Variants in CNTNAP5 observed in about 807,000 individuals in gnomAD.
CNTNAP5 encodes contactin associated protein family member 5.
In CNTNAP5, 72 loss-of-function variants were observed where a neutral mutation model predicts 150.2. That is an observed-to-expected ratio of 0.48 (90% CI 0.40 to 0.58). The LOEUF (loss-of-function observed/expected upper bound fraction) is 0.58. CNTNAP5 is among the 20% of genes least tolerant of loss of function. The pLI is 0.00. For synonymous variants in CNTNAP5, 672 were observed against 619.8 expected (o/e 1.08, Z -1.25); for missense variants, 1,636 against 1,626.2 (o/e 1.01, Z -0.10).
chr2:124,564,161 A>G (rs1283813305), intron 11 of CNTNAP5, among the ~76,000 whole-genome samples: 6 of 152,204 alleles, frequency 3.9e-5, no homozygotes, highest in Admixed American at 1.3e-4. Context: ...AAATGGAGAC[A>G]TAAAGCACAG....
intron 3 of CNTNAP5, among the ~76,000 whole-genome samples, chr2:124,355,136 A>G (rs1689964980): frequency 6.6e-6 from 1 of 151,748 alleles, no homozygotes; most frequent in African/African-American, 2.4e-5. Flanking sequence ...GAAATGAATG[A>G]TACTTTCAAA....
intron 13 of CNTNAP5, among the ~76,000 whole-genome samples, chr2:124,710,013 C>T (rs927249130): frequency 4.6e-5 from 7 of 151,792 alleles, no homozygotes; most frequent in African/African-American, 7.3e-5. Flanking sequence ...TACAAAATTA[C>T]AAAAAAAGTG....
Position 124,434,501 on chromosome 2 carries a change from T to A in CNTNAP5, c.547T>A (p.Phe183Ile). The change falls in exon 5 of 24, where the codon TTT becomes ATT. Residue 183 changes from phenylalanine to isoleucine, a missense_variant. Coordinates refer to ENST00000682447, the MANE Select transcript of CNTNAP5 (RefSeq NM_001367498.1). ...GTTCCCAGAATCAGATGTTGCTGAC[T>A]TTGATGGCCGAAGCTCACTTCTGTA... ...GCSYKSDVAD[F>I]DGRSSLLYRF... 1 of 1,613,908 alleles carries A rather than the reference T, an allele frequency of 6.2e-7. No individual in the cohort carries two copies. The highest frequency in any genetic ancestry group is 1.1e-5 in the South Asian group (1 of 91,088).
At chr2:124,811,706 C>CGGG (rs70999221) in intron 19 of CNTNAP5, among the ~76,000 whole-genome samples, 4,126 of 136,260 alleles carry the variant, frequency 0.03, 225 homozygotes, top group African/African-American at 0.11. Flanking sequence ...CTTTAGGAGG[C>CGGG]GGGGGGGGTG....
At chr2:124,045,740 A>G (rs996149421) in intron 1 of CNTNAP5, among the ~76,000 whole-genome samples, 16 of 152,190 alleles carry the variant, frequency 1.1e-4, no homozygotes, top group Non-Finnish European at 1.6e-4. Flanking sequence ...CAGTTTTTAG[A>G]CAATCTCTAT....
At chr2:124,145,768 C>T (rs1448884111) in intron 1 of CNTNAP5, among the ~76,000 whole-genome samples, 3 of 90,434 alleles carry the variant, frequency 3.3e-5, no homozygotes, top group African/African-American at 4.6e-5. Flanking sequence ...ACAATGTGCA[C>T]ATGTACCCTA....
intron 19 of CNTNAP5, among the ~76,000 whole-genome samples, chr2:124,834,465 C>G (rs1020737940): frequency 6.6e-6 from 1 of 152,144 alleles, no homozygotes; most frequent in African/African-American, 2.4e-5. Context: ...TCCTAGCCAG[C>G]TGTTCCACAC....
At chr2:124,546,853 T>C (rs1695523430) in intron 10 of CNTNAP5, among the ~76,000 whole-genome samples, 1 of 152,198 alleles carries the variant, frequency 6.6e-6, no homozygotes, top group African/African-American at 2.4e-5. Context: ...GAGCCTCCCT[T>C]TCCTAGAGAT....
intron 3 of CNTNAP5, among the ~76,000 whole-genome samples, chr2:124,374,967 T>C (rs1690610652): frequency 6.6e-6 from 1 of 152,102 alleles, no homozygotes; most frequent in South Asian, 2.1e-4. Flanking sequence ...TATCAAATTA[T>C]AACTCATAAA....
chr2:124,125,909 A>C (rs553606104), intron 1 of CNTNAP5, among the ~76,000 whole-genome samples: 1 of 152,322 alleles, frequency 6.6e-6, no homozygotes, highest in African/African-American at 2.4e-5. Context: ...GACACATTTA[A>C]AGCAGTATGT....
Position 124,221,740 on chromosome 2 carries a change from C to A in CNTNAP5, c.118C>A (p.Pro40Thr). 1 of 1,611,810 alleles carries A rather than the reference C, an allele frequency of 6.2e-7. No homozygotes were observed. The highest frequency in any genetic ancestry group is 8.5e-7 in the Non-Finnish European group (1 of 1,178,822). Reference sequence around the variant, plus strand: ...TGATCCACTAGCATCCCTGCTCTCTCCAATGGCTTTTTCCAGTTCCTCAGA... The same window carrying A: ...TGATCCACTAGCATCCCTGCTCTCTACAATGGCTTTTTCCAGTTCCTCAGA... ...CDDPLASLLS[P>T]MAFSSSSDLT... Residue 40 changes from proline (P) to threonine (T), a missense_variant, in exon 2 of 24, where the codon CCA becomes ACA. Coordinates refer to ENST00000682447, the MANE Select transcript of CNTNAP5 (RefSeq NM_001367498.1).
intron 13 of CNTNAP5, among the ~76,000 whole-genome samples, chr2:124,659,321 G>A (rs1465668032): frequency 6.6e-6 from 1 of 152,194 alleles, no homozygotes; most frequent in South Asian, 2.1e-4. Context: ...AATACCAAAT[G>A]TGCTTTCTAT....
At chr2:124,806,175 G>A (rs1389112267) in intron 19 of CNTNAP5, among the ~76,000 whole-genome samples, 1 of 152,094 alleles carries the variant, frequency 6.6e-6, no homozygotes, top group Non-Finnish European at 1.5e-5. Flanking sequence ...TCAGTGTGAG[G>A]CAGAGTAACT....
At chr2:124,111,408 A>G (rs1448017380) in intron 1 of CNTNAP5, among the ~76,000 whole-genome samples, 1 of 152,210 alleles carries the variant, frequency 6.6e-6, no homozygotes, top group Admixed American at 6.5e-5. Flanking sequence ...GTTGTTTCAT[A>G]CATTTGTAGC....
intron 1 of CNTNAP5, among the ~76,000 whole-genome samples, chr2:124,069,771 T>C (rs1682255297): frequency 6.6e-6 from 1 of 152,134 alleles, no homozygotes; most frequent in South Asian, 2.1e-4. Flanking sequence ...ACCAGAACTG[T>C]TCTACAAGAA....
chr2:124,472,930 A>G (rs77728678), intron 6 of CNTNAP5, among the ~76,000 whole-genome samples: 19,079 of 151,986 alleles, frequency 0.13, 1,955 homozygotes, highest in African/African-American at 0.26. Context: ...GTGAAGTACA[A>G]CAAAGCGAAG....
intron 19 of CNTNAP5, among the ~76,000 whole-genome samples, chr2:124,810,257 C>T (rs555365504): frequency 1.3e-5 from 2 of 152,300 alleles, no homozygotes; most frequent in South Asian, 4.1e-4. Context: ...CCTGGTTTAA[C>T]TGGATGATTC....
At chr2:124,224,519 T>C (rs1413084636) in intron 2 of CNTNAP5, among the ~76,000 whole-genome samples, 1 of 151,932 alleles carries the variant, frequency 6.6e-6, no homozygotes, top group African/African-American at 2.4e-5. Flanking sequence ...TGTATATATA[T>C]ATACACACAC....
chr2:124,660,047 G>A (rs62171286), intron 13 of CNTNAP5, among the ~76,000 whole-genome samples: 5,734 of 38,234 alleles, frequency 0.15, 136 homozygotes, highest in East Asian at 0.31. Flanking sequence ...AGGAAGAAAG[G>A]AAGGAAGGAA....
Sources: allele counts gnomAD v4.1 joint callset (sites outside exome capture counted in the v4.1 genomes callset), GRCh38; gene constraint gnomAD v4.1.1; transcripts MANE v1.5; gene names NCBI Gene and HGNC (gene_info 2026-07-23, HGNC 2026-07-21).